RFX3: variants seen among roughly 807,000 people sequenced by gnomAD.
RFX3 encodes transcription factor RFX3.
RFX3 carries 14 observed loss-of-function variants against 98.6 expected under a neutral mutation model. The ratio of observed to expected loss-of-function variants is 0.14; its 90% CI spans 0.09 to 0.22. The LOEUF (loss-of-function observed/expected upper bound fraction) is 0.22, where lower values mean the gene tolerates loss of function less well. Ranked by LOEUF, RFX3 falls within the 10% of genes least tolerant of loss-of-function variation. The probability of loss-of-function intolerance (pLI) is 1.00; values close to 1 mark genes in which losing one functional copy is unlikely to be tolerated. For synonymous variants in RFX3, 383 were observed against 328.4 expected (o/e 1.17, Z -1.80); for missense variants, 639 against 926.9 (o/e 0.69, Z 4.03).
At chr9:3,337,988 T>G in intron 3 of RFX3, among the ~76,000 whole-genome samples, 1 of 152,212 alleles carries the variant, frequency 6.6e-6, no homozygotes, top group Non-Finnish European at 1.5e-5. Flanking sequence ...CTTATTTACT[T>G]ATATGAGTTT....
chr9:3,274,609 G>C (rs1194485368), intron 9 of RFX3, among the ~76,000 whole-genome samples: 2 of 152,022 alleles, frequency 1.3e-5, no homozygotes, highest in Admixed American at 1.3e-4. Flanking sequence ...AACCACAAAA[G>C]TGAAACAAAC....
At chr9:3,399,695 T>G (rs1841285139) in intron 1 of RFX3, among the ~76,000 whole-genome samples, 1 of 152,120 alleles carries the variant, frequency 6.6e-6, no homozygotes, top group Admixed American at 6.6e-5. Context: ...CTCACGCTTG[T>G]AATCCCAGCA....
At chr9:3,338,269 C>A (rs1453653693) in intron 3 of RFX3, among the ~76,000 whole-genome samples, 1 of 152,208 alleles carries the variant, frequency 6.6e-6, no homozygotes, top group African/African-American at 2.4e-5. Flanking sequence ...TTTCTTCTAA[C>A]TTCATCTGCT....
intron 2 of RFX3, among the ~76,000 whole-genome samples, chr9:3,358,900 T>G (rs1278152505): frequency 6.6e-6 from 1 of 151,932 alleles, no homozygotes; most frequent in African/African-American, 2.4e-5. Flanking sequence ...TCAGATCTCA[T>G]GAGAACTCAC....
At chr9:3,356,464 CA>C (rs1312603908) in intron 2 of RFX3, among the ~76,000 whole-genome samples, 1 of 151,740 alleles carries the variant, frequency 6.6e-6, no homozygotes, top group Non-Finnish European at 1.5e-5. Flanking sequence ...CACCCAATCC[CA>C]AATCATATAT....
At chr9:3,321,361 T>C (rs1490246841) in intron 4 of RFX3, among the ~76,000 whole-genome samples, 3 of 152,334 alleles carry the variant, frequency 2.0e-5, no homozygotes, top group South Asian at 4.1e-4. Context: ...ATTTCCACAT[T>C]GCTCTCCAAT....
intron 1 of RFX3, among the ~76,000 whole-genome samples, chr9:3,491,604 A>G (rs1850722545): frequency 1.3e-5 from 2 of 152,198 alleles, no homozygotes; most frequent in South Asian, 4.1e-4. Flanking sequence ...GTCTACAGTC[A>G]TCTGTGTTCT....
At chr9:3,304,488 T>TTA (rs1829044701) in intron 4 of RFX3, among the ~76,000 whole-genome samples, 1 of 151,996 alleles carries the variant, frequency 6.6e-6, no homozygotes, top group South Asian at 2.1e-4. Flanking sequence ...AATTACCAAA[T>TTA]TATATGTCTC....
chr9:3,518,960 AAACT>A (rs1174764308), intron 1 of RFX3, among the ~76,000 whole-genome samples: 1 of 152,222 alleles, frequency 6.6e-6, no homozygotes, highest in Non-Finnish European at 1.5e-5. Context: ...ATTCTTTGAT[AAACT>A]CATCTTTACA....
At chr9:3,256,847 T>C (rs1361041677) in intron 14 of RFX3, 144 bp downstream of exon 14, 4 of 717,166 alleles carry the variant, frequency 5.6e-6, no homozygotes, top group Admixed American at 2.4e-5. Context: ...CTGAGTTGGG[T>C]TGAAGGTAGT....
chr9:3,518,559 A>G (rs992463482), intron 1 of RFX3, among the ~76,000 whole-genome samples: 1 of 152,240 alleles, frequency 6.6e-6, no homozygotes, highest in Non-Finnish European at 1.5e-5. Context: ...TATATAAGTC[A>G]AATTTCCAGT....
intron 1 of RFX3, among the ~76,000 whole-genome samples, chr9:3,513,149 A>G (rs1478389988): frequency 6.6e-6 from 1 of 152,180 alleles, no homozygotes; most frequent in African/African-American, 2.4e-5. Flanking sequence ...TTCCTCATTC[A>G]AAATTAAAGC....
chr9:3,249,687 C>A (rs986422770), intron 14 of RFX3, among the ~76,000 whole-genome samples: 2 of 151,956 alleles, frequency 1.3e-5, no homozygotes, highest in African/African-American at 4.8e-5. Context: ...AGAATAAGCA[C>A]GGGTTTGAAG....
At chr9:3,236,457 G>A (rs868473628) in intron 15 of RFX3, among the ~76,000 whole-genome samples, 6 of 152,334 alleles carry the variant, frequency 3.9e-5, no homozygotes, top group Middle Eastern at 6.8e-3. Context: ...ACACACTAAG[G>A]AAGAGGATAT....
At position 3,222,036 on chromosome 9, in the gene RFX3, A is replaced by G. The variant is rs999162331; in HGVS notation, c.*3006T>C. 6.6e-6 allele frequency: 1 copy of G among 152,188 alleles called. No homozygotes were observed. Among genetic ancestry groups the G allele is most frequent in the Non-Finnish European group, 1.5e-5 (1 of 68,004 alleles). 9.4% of individuals were successfully genotyped at this position (152,188 alleles called of 1,614,324 possible). On this transcript the variant is annotated 3_prime_UTR_variant, in exon 17 of 17. Coordinates refer to ENST00000617270, the MANE Select transcript of RFX3 (RefSeq NM_001282116.2). Reference sequence around the variant, plus strand: ...GAAAACCCACACTTTCAATGAGTGAAAAAAGGGAAAAAGGGAAATAAATGC... The same window carrying G: ...GAAAACCCACACTTTCAATGAGTGAGAAAAGGGAAAAAGGGAAATAAATGC...
At chr9:3,519,762 T>C (rs1818518683) in intron 1 of RFX3, among the ~76,000 whole-genome samples, 1 of 152,196 alleles carries the variant, frequency 6.6e-6, no homozygotes, top group African/African-American at 2.4e-5. Flanking sequence ...TATACCTATT[T>C]ATTGATACTC....
intron 3 of RFX3, among the ~76,000 whole-genome samples, chr9:3,333,601 G>A (rs1832839770): frequency 1.3e-5 from 2 of 152,168 alleles, no homozygotes; most frequent in South Asian, 4.1e-4. Flanking sequence ...GATAAAATGA[G>A]AAATGAGGTC....
chr9:3,426,872 C>T (rs1208657564), intron 1 of RFX3, among the ~76,000 whole-genome samples: 1 of 152,044 alleles, frequency 6.6e-6, no homozygotes, highest in African/African-American at 2.4e-5. Flanking sequence ...ATAAAGCACA[C>T]AATAAATGTA....
chr9:3,335,825 T>C (rs1833115699), intron 3 of RFX3, among the ~76,000 whole-genome samples: 1 of 152,222 alleles, frequency 6.6e-6, no homozygotes, highest in African/African-American at 2.4e-5. Flanking sequence ...TCTGATTCAT[T>C]GAATTCAGTA....
Sources: gnomAD v4.1 joint callset for allele counts (sites outside exome capture counted in the v4.1 genomes callset) on GRCh38, gnomAD v4.1.1 for gene constraint, MANE v1.5 for transcripts, NCBI Gene and HGNC (gene_info 2026-07-23, HGNC 2026-07-21) for gene names.